XXYLT1: variants seen among roughly 807,000 people sequenced by gnomAD.
XXYLT1 encodes the protein xyloside xylosyltransferase 1, also known as UDP-xylose:alpha-xyloside alpha-1,3-xylosyltransferase.
Under a neutral mutation model 28.9 loss-of-function variants are expected in XXYLT1, and 20 were observed. The ratio of observed to expected loss-of-function variants is 0.69; its 90% CI spans 0.49 to 1.00. The LOEUF (loss-of-function observed/expected upper bound fraction) is 1.00, where lower values mean the gene tolerates loss of function less well. Among genes scored for constraint, XXYLT1 ranks in the 50% least tolerant of loss-of-function variants. The probability of loss-of-function intolerance (pLI) is 0.00; values close to 1 mark genes in which losing one functional copy is unlikely to be tolerated. For synonymous variants in XXYLT1, 257 were observed against 253.8 expected (o/e 1.01, Z -0.12); for missense variants, 542 against 560.1 (o/e 0.97, Z 0.33).
At chr3:195,101,895 AGAGGAACG>A (rs1391435987) in intron 3 of XXYLT1, among the ~76,000 whole-genome samples, 1 of 137,642 alleles carries the variant, frequency 7.3e-6, no homozygotes, top group Non-Finnish European at 1.6e-5. Context: ...GAAGAAACAA[AGAGGAACG>A]GAGGAAAGGA....
intron 2 of XXYLT1, among the ~76,000 whole-genome samples, chr3:195,162,531 G>A (rs1044352673): frequency 2.4e-4 from 36 of 152,246 alleles, no homozygotes; most frequent in African/African-American, 7.7e-4. Context: ...GGCCTTACTC[G>A]CCCCCTCTCA....
chr3:195,088,195 G>GGCCT (rs1461698626), intron 3 of XXYLT1, among the ~76,000 whole-genome samples: 1 of 151,764 alleles, frequency 6.6e-6, no homozygotes, highest in South Asian at 2.1e-4. Context: ...AGCTCAAGGA[G>GGCCT]GCCTGCCTGC....
chr3:195,249,316 C>T (rs1465117395), intron 1 of XXYLT1, among the ~76,000 whole-genome samples: 1 of 152,196 alleles, frequency 6.6e-6, no homozygotes, highest in Non-Finnish European at 1.5e-5. Context: ...CAGGATCTGG[C>T]ACTTCTCTAA....
At position 195,190,135 on chromosome 3, in the gene XXYLT1, A is replaced by G. The variant is rs556850799; in HGVS notation, c.653-33554T>C. On this transcript the variant is annotated intron_variant, in intron 2 of 3. Coordinates refer to ENST00000310380, the MANE Select transcript of XXYLT1 (RefSeq NM_152531.5). ...GCAAAACAATTCTTCAAAAATGCAA[A>G]AAAAAAGAACATTTCTGTATAAACA... Among the ~76,000 whole-genome samples the G allele has an allele frequency of 1.3e-3, 191 of 152,292 alleles. 2 individuals are homozygous for G. Among genetic ancestry groups the G allele is most frequent in the Admixed American group, 0.012 (187 of 15,296 alleles).
chr3:195,088,920 G>A (rs907162930), intron 3 of XXYLT1, among the ~76,000 whole-genome samples: 1 of 151,588 alleles, frequency 6.6e-6, no homozygotes, highest in Non-Finnish European at 1.5e-5. Flanking sequence ...GGAAGAAAGG[G>A]TATCAGCAAT....
At chr3:195,081,844 G>A (rs897037851) in intron 3 of XXYLT1, among the ~76,000 whole-genome samples, 2 of 152,144 alleles carry the variant, frequency 1.3e-5, no homozygotes, top group Admixed American at 6.5e-5. Flanking sequence ...TGGTCTACCT[G>A]GCTCTGCACC....
At chr3:195,102,102 G>A (rs532996794) in intron 3 of XXYLT1, among the ~76,000 whole-genome samples, 25 of 148,846 alleles carry the variant, frequency 1.7e-4, no homozygotes, top group Non-Finnish European at 3.1e-4. Context: ...AGGGGAGGGG[G>A]AAAAAGAGAA....
intron 1 of XXYLT1, chr3:195,259,646 G>A: frequency 6.1e-6 from 6 of 985,446 alleles, no homozygotes; most frequent in Non-Finnish European, 7.2e-6. Flanking sequence ...GGTGGCATCC[G>A]AGTCCCTCCC....
intron 1 of XXYLT1, among the ~76,000 whole-genome samples, chr3:195,268,780 G>C (rs1725925273): frequency 6.6e-6 from 1 of 152,128 alleles, no homozygotes; most frequent in African/African-American, 2.4e-5. Flanking sequence ...TGCCAGAACT[G>C]GGCCCAGTAA....
chr3:195,198,429 G>A (rs1008214535), intron 2 of XXYLT1, among the ~76,000 whole-genome samples: 2 of 152,114 alleles, frequency 1.3e-5, no homozygotes, highest in African/African-American at 4.8e-5. Context: ...AAAGTTCTAG[G>A]CCATGCTATA....
Position 195,115,179 on chromosome 3 carries a change from T to C in XXYLT1, c.785+41270A>G, listed in dbSNP as rs1346577877. Among the ~76,000 whole-genome samples the C allele has an allele frequency of 1.3e-5, 2 of 152,206 alleles. No homozygotes were observed. Among genetic ancestry groups the C allele is most frequent in the African/African-American group, 4.8e-5 (2 of 41,460 alleles). On this transcript the variant is annotated intron_variant, in intron 3 of 3. Transcript: ENST00000310380. The surrounding 1 kb of genome is among the most constrained non-coding windows in gnomAD (Gnocchi z 4.2). ...CGACTCGGGAACTAGTGTGCTCACA[T>C]GAGACGTGCCCGGTGAGAATGTGGC...
chr3:195,110,553 T>TGC (rs1717590408), intron 3 of XXYLT1, among the ~76,000 whole-genome samples: 1 of 83,030 alleles, frequency 1.2e-5, no homozygotes, highest in Non-Finnish European at 2.6e-5. Flanking sequence ...GTGGTGTGTG[T>TGC]GTGGTGTATG....
chr3:195,260,199 G>A (rs897994729), intron 1 of XXYLT1: 2 of 150,530 alleles, frequency 1.3e-5, no homozygotes, highest in African/African-American at 4.9e-5. Flanking sequence ...CAGACGCGGT[G>A]CAGCGGCGCC....
At chr3:195,191,939 A>G (rs1327008912) in intron 2 of XXYLT1, among the ~76,000 whole-genome samples, 5 of 152,230 alleles carry the variant, frequency 3.3e-5, no homozygotes, top group African/African-American at 1.2e-4. Context: ...TACTCTTGAT[A>G]ATTGATGGAA....
At chr3:195,134,884 C>T (rs62290350) in intron 3 of XXYLT1, among the ~76,000 whole-genome samples, 670 of 66,790 alleles carry the variant, frequency 0.01, 7 homozygotes, top group African/African-American at 0.04. Context: ...TGCGCGCGTG[C>T]GCGCACGTGC....
At chr3:195,192,411 T>C (rs541459963) in intron 2 of XXYLT1, among the ~76,000 whole-genome samples, 7,152 of 149,926 alleles carry the variant, frequency 0.048, 561 homozygotes, top group African/African-American at 0.17. Context: ...GGTAACCAAG[T>C]GAGACTCTGT....
chr3:195,147,701 G>A (rs1017415753), intron 3 of XXYLT1, among the ~76,000 whole-genome samples: 6 of 152,152 alleles, frequency 3.9e-5, no homozygotes, highest in Non-Finnish European at 8.8e-5. Context: ...CCAGCACCGC[G>A]GAGGAAACGC....
At chr3:195,088,528 A>G (rs1338156828) in intron 3 of XXYLT1, among the ~76,000 whole-genome samples, 2 of 128,786 alleles carry the variant, frequency 1.6e-5, no homozygotes, top group Admixed American at 1.7e-4. Context: ...CCATCTGTAC[A>G]TCACCATCAT....
chr3:195,118,025 T>C (rs1718141422), intron 3 of XXYLT1, among the ~76,000 whole-genome samples: 1 of 152,244 alleles, frequency 6.6e-6, no homozygotes, highest in Non-Finnish European at 1.5e-5. Context: ...TGCTCTCTGC[T>C]CCACGTCCTG....
Sources: gnomAD v4.1 joint callset for allele counts (sites outside exome capture counted in the v4.1 genomes callset) on GRCh38, gnomAD v4.1.1 for gene constraint, Gnocchi (gnomAD v3.1) non-coding constraint, MANE v1.5 for transcripts, NCBI Gene and HGNC (gene_info 2026-07-23, HGNC 2026-07-21) for gene names.